UBE2R2: variants seen among roughly 807,000 people sequenced by gnomAD.
UBE2R2 encodes ubiquitin conjugating enzyme E2 R2, also known as ubiquitin-conjugating enzyme E2 R2.
UBE2R2 carries 1 observed loss-of-function variant against 27.8 expected under a neutral mutation model. The observed-to-expected ratio is 0.04, with a 90% CI of 0.01 to 0.17. The LOEUF (loss-of-function observed/expected upper bound fraction) is 0.17. Among genes scored for constraint, UBE2R2 ranks in the 10% least tolerant of loss-of-function variants. The pLI, the probability that UBE2R2 is intolerant of heterozygous loss-of-function variation, is 1.00. For synonymous variants in UBE2R2, 106 were observed against 113.3 expected, an observed-to-expected ratio of 0.94 and a Z score of 0.41; for missense variants, 100 against 291.0, an observed-to-expected ratio of 0.34 and a Z score of 4.78.
intron 4 of UBE2R2, among the ~76,000 whole-genome samples, chr9:33,912,732 G>A (rs182800939): frequency 9.9e-5 from 15 of 152,198 alleles, no homozygotes; most frequent in Admixed American, 3.9e-4. Flanking sequence ...CTAATGTATG[G>A]TATAACAGAG....
Position 33,917,633 on chromosome 9 carries a change from TG to T in UBE2R2, c.*399del, listed in dbSNP as rs1171972102. On this transcript the variant is annotated 3_prime_UTR_variant, in exon 5 of 5. Transcript: ENST00000263228. Reference sequence around the variant, plus strand: ...AATGTGTTTAAAGCTGGGAACCTGTTGGGAGTTCACAAGTGCTGCATATACT... The same window carrying T: ...AATGTGTTTAAAGCTGGGAACCTGTTGGAGTTCACAAGTGCTGCATATACT... The T allele has an allele frequency of 5.7e-6, 2 of 347,994 alleles. No individual in the cohort carries two copies. The highest frequency in any genetic ancestry group is 4.2e-5 in the African/African-American group (2 of 47,162). The allele number at this position is 347,994 out of a possible 1,614,324, so 21.6% of individuals were successfully genotyped here. A position where few individuals can be genotyped will look rare whatever the true frequency, so the allele number is the denominator to read the frequency against.
rs1288243746 is a variant in UBE2R2, at chr9:33,919,705, GGAAAATACTT to G, written c.*2471_*2480del. 1 of 150,856 alleles carries G rather than the reference GGAAAATACTT, an allele frequency of 6.6e-6. No homozygotes were observed. Among genetic ancestry groups the G allele is most frequent in the Non-Finnish European group, 1.5e-5 (1 of 67,832 alleles). 9.3% of individuals were successfully genotyped at this position (150,856 alleles called of 1,614,324 possible). A position where few individuals can be genotyped will look rare whatever the true frequency, so the allele number is the denominator to read the frequency against. ...TCTGTCCCTGAGAACACATCCCTGT[GGAAAATACTT>G]GAGTTTGTAATTTTTTTTCCCCCTT... is the stretch of plus-strand genomic sequence containing the variant. On this transcript the variant is annotated 3_prime_UTR_variant, in exon 5 of 5. Coordinates refer to ENST00000263228, the MANE Select transcript of UBE2R2 (RefSeq NM_017811.4).
chr9:33,875,051 G>A (rs1461559220), intron 1 of UBE2R2, among the ~76,000 whole-genome samples: 1 of 150,308 alleles, frequency 6.7e-6, no homozygotes, highest in East Asian at 1.9e-4. Context: ...CTGACCTTGT[G>A]ATCCACCTGC....
chr9:33,875,499 C>G (rs1055479079), intron 1 of UBE2R2, among the ~76,000 whole-genome samples: 7 of 152,130 alleles, frequency 4.6e-5, no homozygotes, highest in Admixed American at 1.3e-4. Flanking sequence ...CCCAGCTACT[C>G]AGTAGGCTGA....
intron 1 of UBE2R2, among the ~76,000 whole-genome samples, chr9:33,871,060 A>C (rs1264936113): frequency 6.6e-6 from 1 of 152,166 alleles, no homozygotes; most frequent in Non-Finnish European, 1.5e-5. Flanking sequence ...CTTGGCCTCA[A>C]TACTTGGCTC....
At chr9:33,823,947 G>A (rs1033611271) in intron 1 of UBE2R2, among the ~76,000 whole-genome samples, 8 of 152,050 alleles carry the variant, frequency 5.3e-5, no homozygotes, top group African/African-American at 1.4e-4. Context: ...ACCTCTTAGG[G>A]CATTTAGCTG....
At chr9:33,830,179 A>G (rs1426510266) in intron 1 of UBE2R2, among the ~76,000 whole-genome samples, 1 of 137,232 alleles carries the variant, frequency 7.3e-6, no homozygotes, top group East Asian at 2.2e-4. Flanking sequence ...TTTTTTTGAG[A>G]CAGAGTCTTG....
At chr9:33,815,260 G>A (rs1461552196), upstream of UBE2R2, among the ~76,000 whole-genome samples, 2 of 152,240 alleles carry the variant, frequency 1.3e-5, no homozygotes, top group Non-Finnish European at 1.5e-5. Context: ...TATCCTGGAT[G>A]AGATCCTGGA....
chr9:33,866,776 C>G (rs1382048583), intron 1 of UBE2R2, among the ~76,000 whole-genome samples: 1 of 152,098 alleles, frequency 6.6e-6, no homozygotes, highest in Non-Finnish European at 1.5e-5. Flanking sequence ...TTTGCTTATT[C>G]TTGAATTTCA....
intron 1 of UBE2R2, among the ~76,000 whole-genome samples, chr9:33,850,430 ATTC>A (rs1820940413): frequency 6.6e-6 from 1 of 152,102 alleles, no homozygotes; most frequent in African/African-American, 2.4e-5. Flanking sequence ...ACCTGTAACC[ATTC>A]TTCATTCCAT....
At chr9:33,851,055 G>A (rs1587444070) in intron 1 of UBE2R2, among the ~76,000 whole-genome samples, 2 of 152,176 alleles carry the variant, frequency 1.3e-5, no homozygotes, top group East Asian at 1.9e-4. Context: ...GTATGCATAT[G>A]TGTATTAATT....
In UBE2R2 at chr9:33,863,556, T is replaced by C. The variant is rs78137220; in HGVS notation, c.178-23325T>C. Among the ~76,000 whole-genome samples, 394 of 152,214 alleles carry C rather than the reference T, an allele frequency of 2.6e-3. 2 individuals carry two copies. Among genetic ancestry groups the C allele is most frequent in the African/African-American group, 9.0e-3 (376 of 41,548 alleles). On this transcript the variant is annotated intron_variant, in intron 1 of 4. Transcript: ENST00000263228. ...AAAAAAAAAAAGTGCATGGTAGATT[T>C]AGTGTTTTTCGTGAAAAATTTAGAA...
intron 1 of UBE2R2, among the ~76,000 whole-genome samples, chr9:33,844,844 G>C (rs1217285121): frequency 6.6e-6 from 1 of 150,414 alleles, no homozygotes; most frequent in Admixed American, 6.6e-5. Context: ...TTGGCTCACT[G>C]CAACTTCCAC....
chr9:33,860,068 A>G (rs56253239), intron 1 of UBE2R2, among the ~76,000 whole-genome samples: 11,971 of 151,320 alleles, frequency 0.079, 683 homozygotes, highest in Non-Finnish European at 0.12. Flanking sequence ...TGGCCTCCCA[A>G]TGTGCTGAGA....
chr9:33,893,580 C>T (rs1269746811), intron 2 of UBE2R2, among the ~76,000 whole-genome samples: 1 of 152,078 alleles, frequency 6.6e-6, no homozygotes, highest in African/African-American at 2.4e-5. Flanking sequence ...GGGTTACATA[C>T]CTAGGAGTGG....
At chr9:33,893,942 CCTT>C (rs1564002372) in intron 2 of UBE2R2, among the ~76,000 whole-genome samples, 1 of 151,918 alleles carries the variant, frequency 6.6e-6, no homozygotes, top group African/African-American at 2.4e-5. Flanking sequence ...ACTTTTTCTT[CCTT>C]CTTTTTTCTT....
intron 4 of UBE2R2, among the ~76,000 whole-genome samples, chr9:33,913,703 A>G (rs192653399): frequency 1.1e-4 from 17 of 152,360 alleles, no homozygotes; most frequent in African/African-American, 3.4e-4. Flanking sequence ...AGACCATGTG[A>G]TATGAAAAAA....
intron 1 of UBE2R2, among the ~76,000 whole-genome samples, chr9:33,837,289 G>C (rs1378126303): frequency 1.3e-5 from 2 of 152,000 alleles, no homozygotes; most frequent in Non-Finnish European, 2.9e-5. Flanking sequence ...TGCGATCAAG[G>C]CTCACTGCAG....
rs1048024942 is a variant in UBE2R2 at position 33,891,892 on chromosome 9, G to A, written c.264+4925G>A. On this transcript the variant is annotated intron_variant, in intron 2 of 4. Transcript: ENST00000263228. ...TGGGAGGCTGAGGCAAGTTCACCAG[G>A]CGTAGTGGCACATGCCTGTAGTCCC... Among the ~76,000 whole-genome samples the A allele has an allele frequency of 7.9e-5, 12 of 152,102 alleles. 1 individual carries two copies. The highest frequency in any genetic ancestry group is 2.1e-4 in the South Asian group (1 of 4,830).
Sources: allele counts gnomAD v4.1 joint callset (sites outside exome capture counted in the v4.1 genomes callset), GRCh38; gene constraint gnomAD v4.1.1; transcripts MANE v1.5; gene names NCBI Gene and HGNC (gene_info 2026-07-23, HGNC 2026-07-21).